PRDM16: variants seen among roughly 807,000 people sequenced by gnomAD.
The protein encoded by PRDM16 is PR/SET domain 16.
PRDM16 carries 23 observed loss-of-function variants against 110.6 expected under a neutral mutation model. The ratio of observed to expected loss-of-function variants is 0.21; its 90% CI spans 0.15 to 0.29. The LOEUF (loss-of-function observed/expected upper bound fraction) is 0.29, where lower values mean the gene tolerates loss of function less well. Ranked by LOEUF, PRDM16 falls within the 10% of genes least tolerant of loss-of-function variation. The probability of loss-of-function intolerance (pLI) is 1.00; values close to 1 mark genes in which losing one functional copy is unlikely to be tolerated. For synonymous variants in PRDM16, 799 were observed against 781.8 expected (o/e 1.02, Z -0.37); for missense variants, 1,615 against 1,794.3 (o/e 0.90, Z 1.81).
Position 3,412,789 on chromosome 1 carries a change from C to T in PRDM16, c.2592C>T (p.Asp864=), listed in dbSNP as rs1643715478. Residue 864 remains aspartate, a synonymous_variant, in exon 9 of 17, where the codon GAC becomes GAT. Transcript: ENST00000270722. ...HYAKPSPFFM[D]PIYSRVEKRK... is the part of the protein sequence containing the mutation. The stretch of plus-strand genomic sequence containing the variant: ...CCAAGCCCTCGCCCTTCTTCATGGA[C>T]CCCATCTACAGGTATTCAGCACCCC... 1.4e-6 allele frequency: 2 copies of T among 1,468,186 alleles called. No individual in the cohort carries two copies. The highest frequency in any genetic ancestry group is 2.6e-5 in the Admixed American group (1 of 39,210). 90.9% of individuals were successfully genotyped at this position (1,468,186 alleles called of 1,614,324 possible). A position where few individuals can be genotyped will look rare whatever the true frequency, so the allele number is the denominator to read the frequency against.
intron 3 of PRDM16, among the ~76,000 whole-genome samples, chr1:3,296,237 C>T (rs1641086788): frequency 6.6e-6 from 1 of 152,228 alleles, no homozygotes; most frequent in Non-Finnish European, 1.5e-5. Context: ...GACCAGTGCC[C>T]TCTGGAGCTG....
chr1:3,098,095 G>T lies in PRDM16; in HGVS notation c.37+28799G>T, dbSNP rs1245466503. 2.0e-5 allele frequency among the ~76,000 whole-genome samples: 3 copies of T among 152,136 alleles called. No homozygotes were observed. In the East Asian group the frequency reaches 5.8e-4, roughly 29 times the overall value. ...GCGGCTCCTTCCCAGTCTGTAAAGG[G>T]CACTGAGGCCTCCTGTCAGTGTGCT... On this transcript the variant is annotated intron_variant, in intron 1 of 16. Transcript: ENST00000270722.
At chr1:3,096,579 A>G (rs1200715770) in intron 1 of PRDM16, among the ~76,000 whole-genome samples, 1 of 151,926 alleles carries the variant, frequency 6.6e-6, no homozygotes, top group Non-Finnish European at 1.5e-5. Context: ...CGGCTGGGGC[A>G]CATTCCCTCC....
intron 2 of PRDM16, among the ~76,000 whole-genome samples, chr1:3,225,230 A>G (rs927701339): frequency 9.9e-5 from 15 of 152,224 alleles, no homozygotes; most frequent in African/African-American, 3.1e-4. Flanking sequence ...TGAGTTAAGT[A>G]TAAATAAATC....
At chr1:3,415,588 C>G (rs1484142938) in intron 10 of PRDM16, among the ~76,000 whole-genome samples, 1 of 152,256 alleles carries the variant, frequency 6.6e-6, no homozygotes, top group Non-Finnish European at 1.5e-5. Flanking sequence ...AGCCACGAGC[C>G]AGCCAGGCGC....
intron 1 of PRDM16, among the ~76,000 whole-genome samples, chr1:3,079,221 G>T (rs748388158): frequency 4.2e-4 from 64 of 152,366 alleles, no homozygotes; most frequent in Middle Eastern, 6.8e-3. Flanking sequence ...TGATGGGGAG[G>T]AGAGGTCTCG....
rs1441633542 is a variant in PRDM16, at chr1:3,350,214, T to C, written c.439-34938T>C. Among the ~76,000 whole-genome samples, 1 of 152,200 alleles carries C rather than the reference T, an allele frequency of 6.6e-6. No individual in the cohort carries two copies. The highest frequency in any genetic ancestry group is 1.5e-5 in the Non-Finnish European group (1 of 68,020). On this transcript the variant is annotated intron_variant, in intron 3 of 16. Transcript: ENST00000270722. This position sits in a 1 kb window ranked among gnomAD's most constrained non-coding sequence, Gnocchi z 7.1. ...GATGGCATGTGCTGGTAGTTCCAGC[T>C]ACTCAGGAGGCTGAGGCAGGAGGAT... is the stretch of plus-strand genomic sequence containing the variant.
At chr1:3,097,740 G>A (rs1642438344) in intron 1 of PRDM16, among the ~76,000 whole-genome samples, 2 of 152,174 alleles carry the variant, frequency 1.3e-5, no homozygotes. Flanking sequence ...CCGAGGCCTG[G>A]GAAGGTTCCT....
intron 2 of PRDM16, among the ~76,000 whole-genome samples, chr1:3,199,969 T>G (rs1349319097): frequency 1.3e-5 from 2 of 152,256 alleles, no homozygotes; most frequent in African/African-American, 4.8e-5. Flanking sequence ...ACCAGGGGAA[T>G]GCAGAGGCTA....
chr1:3,399,542 C>T (rs1336006717), intron 5 of PRDM16, among the ~76,000 whole-genome samples: 3 of 152,160 alleles, frequency 2.0e-5, no homozygotes, highest in Non-Finnish European at 4.4e-5. Flanking sequence ...GCTCTGTCCT[C>T]TGATGGGGGC....
At chr1:3,333,082 T>C (rs1642076574) in intron 3 of PRDM16, among the ~76,000 whole-genome samples, 1 of 152,160 alleles carries the variant, frequency 6.6e-6, no homozygotes, top group Non-Finnish European at 1.5e-5. Flanking sequence ...TGCTTTCAGC[T>C]CTCTTGGGTC....
chr1:3,137,551 G>A (rs376056452), intron 1 of PRDM16, among the ~76,000 whole-genome samples: 66 of 152,296 alleles, frequency 4.3e-4, no homozygotes, highest in African/African-American at 1.6e-3. Flanking sequence ...ATGTGGCAAG[G>A]TCCCGAAGAA....
At chr1:3,114,218 A>C (rs938625412) in intron 1 of PRDM16, among the ~76,000 whole-genome samples, 23 of 81,504 alleles carry the variant, frequency 2.8e-4, no homozygotes, top group Middle Eastern at 9.3e-3. Context: ...CACGCACACG[A>C]ACACACACGC....
chr1:3,190,145 C>G lies in PRDM16; in HGVS notation c.387+3671C>G, dbSNP rs1338158092. Reference sequence around the variant, plus strand: ...GGGCGGGCAGCACGTGAGGCACCCACGAGCTTTGGGTTCAAGGTCGTGGGG... The same window carrying G: ...GGGCGGGCAGCACGTGAGGCACCCAGGAGCTTTGGGTTCAAGGTCGTGGGG... On this transcript the variant is annotated intron_variant, in intron 2 of 16. Coordinates refer to ENST00000270722, the MANE Select transcript of PRDM16 (RefSeq NM_022114.4). This position sits in a 1 kb window ranked among gnomAD's most constrained non-coding sequence, Gnocchi z 5.0. Among the ~76,000 whole-genome samples the G allele has an allele frequency of 6.6e-6, 1 of 151,960 alleles. No homozygotes were observed. The highest frequency in any genetic ancestry group is 1.5e-5 in the Non-Finnish European group (1 of 68,004).
chr1:3,185,238 A>G (rs180863873), intron 1 of PRDM16, among the ~76,000 whole-genome samples: 6 of 152,020 alleles, frequency 3.9e-5, no homozygotes, highest in Middle Eastern at 6.8e-3. Flanking sequence ...CTATCTTGGC[A>G]CCCATCCTCT....
rs569792747 is a variant in PRDM16, at chr1:3,405,664, G to C, written c.1186+16G>C. Reference sequence around the variant, plus strand: ...CCTTTCATATGTGAGTGGTCGCCCAGCCTGGCCGCCTGCCCTCCGGGTGCG... The same window carrying C: ...CCTTTCATATGTGAGTGGTCGCCCACCCTGGCCGCCTGCCCTCCGGGTGCG... On this transcript the variant is annotated intron_variant, in intron 8 of 16. Transcript: ENST00000270722. 6.4e-7 allele frequency: 1 copy of C among 1,551,736 alleles called. No individual in the cohort carries two copies. The highest frequency in any genetic ancestry group is 1.9e-5 in the Admixed American group (1 of 52,864).
intron 3 of PRDM16, among the ~76,000 whole-genome samples, chr1:3,324,555 C>T (rs1015507908): frequency 6.6e-6 from 1 of 152,134 alleles, no homozygotes; most frequent in Non-Finnish European, 1.5e-5. Flanking sequence ...CCAGCAGGTT[C>T]CCCTGTGACA....
At chr1:3,086,276 G>T (rs1192741725) in intron 1 of PRDM16, among the ~76,000 whole-genome samples, 1 of 152,112 alleles carries the variant, frequency 6.6e-6, no homozygotes, top group Admixed American at 6.5e-5. Flanking sequence ...GCCTGGCTCT[G>T]CCCTGGGCGC....
rs149889633 is a variant in PRDM16, at chr1:3,146,803, G to A, written c.38-39322G>A. Among the ~76,000 whole-genome samples, 497 of 143,576 alleles carry A rather than the reference G, an allele frequency of 3.5e-3. 6 individuals are homozygous for A. Among genetic ancestry groups the A allele is most frequent in the African/African-American group, 0.012 (464 of 38,960 alleles). 94.2% of individuals were successfully genotyped at this position (143,576 alleles called of 152,430 possible). On this transcript the variant is annotated intron_variant, in intron 1 of 16. Transcript: ENST00000270722. ...CATGTGTGCTCGGTGTGGGGTGTGTGTACGTGTGTGCTCAGTATGGAGTGT... is the reference window on the plus strand; with the variant it reads ...CATGTGTGCTCGGTGTGGGGTGTGTATACGTGTGTGCTCAGTATGGAGTGT...
Sources: gnomAD v4.1 joint callset for allele counts (sites outside exome capture counted in the v4.1 genomes callset) on GRCh38, gnomAD v4.1.1 for gene constraint, Gnocchi (gnomAD v3.1) non-coding constraint, MANE v1.5 for transcripts, NCBI Gene and HGNC (gene_info 2026-07-23, HGNC 2026-07-21) for gene names.